Variants in SNX29 observed in about 807,000 individuals in gnomAD.
The protein encoded by SNX29 is sorting nexin-29.
A neutral mutation model predicts 102.1 loss-of-function variants in SNX29; 78 were observed. The ratio of observed to expected loss-of-function variants is 0.76; its 90% CI spans 0.64 to 0.92. The LOEUF is 0.92. Among genes scored for constraint, SNX29 ranks in the 40% least tolerant of loss-of-function variants. The pLI is 0.00. For missense variants in SNX29, 1,280 were observed against 1,061.7 expected (o/e 1.21, Z -2.86); for synonymous variants, 580 against 414.5 (o/e 1.40, Z -4.85).
chr16:12,048,731 A>G (rs1426493225), intron 7 of SNX29, 111 bp downstream of exon 7: 1 of 1,562,242 alleles, frequency 6.4e-7, no homozygotes, highest in Non-Finnish European at 8.8e-7. Flanking sequence ...AGTCCAGTGC[A>G]CTTGCGTTTT....
chr16:12,513,557 C>G (rs998200620), intron 19 of SNX29, among the ~76,000 whole-genome samples: 1 of 152,100 alleles, frequency 6.6e-6, no homozygotes, highest in Non-Finnish European at 1.5e-5. Context: ...GTGGTGATCA[C>G]CTAGAAAAAG....
At chr16:12,334,901 CTTTTTTTT>C (rs36176543) in intron 15 of SNX29, among the ~76,000 whole-genome samples, 1 of 93,608 alleles carries the variant, frequency 1.1e-5, no homozygotes, top group Non-Finnish European at 2.0e-5. Context: ...GCCCCAGAGC[CTTTTTTTT>C]TTTTTTTTTT....
chr16:12,530,745 G>A (rs571069133), intron 20 of SNX29, among the ~76,000 whole-genome samples: 223 of 152,114 alleles, frequency 1.5e-3, no homozygotes, highest in African/African-American at 5.3e-3. Context: ...TAGTAGAGAC[G>A]GGGTTTCTTC....
At chr16:11,984,985 G>C (rs1318996783) in intron 1 of SNX29, among the ~76,000 whole-genome samples, 1 of 151,726 alleles carries the variant, frequency 6.6e-6, no homozygotes. Context: ...TCTGTTATAA[G>C]TAATGATGCA....
At chr16:11,983,524 G>A in intron 1 of SNX29, 1 of 298,468 alleles carries the variant, frequency 3.4e-6, no homozygotes, top group Non-Finnish European at 4.9e-6. Context: ...TTCATTCAAA[G>A]TAGAAAAGTG....
chr16:12,245,898 A>G (rs1004655686), intron 14 of SNX29, among the ~76,000 whole-genome samples: 4 of 152,326 alleles, frequency 2.6e-5, no homozygotes, highest in Middle Eastern at 3.4e-3. Flanking sequence ...GTTTGGACCT[A>G]TCAGTCATTT....
rs200581572 is a variant in SNX29, at chr16:12,398,468, C to T, written c.1922C>T (p.Thr641Met). Residue 641 changes from threonine (T) to methionine (M), a missense_variant, in exon 17 of 21, where the codon ACG (threonine) becomes ATG (methionine). Physicochemically the swap from Thr to Met is moderately conservative, Grantham distance 81. Coordinates refer to ENST00000566228, the MANE Select transcript of SNX29 (RefSeq NM_032167.5). ...TAGGTGCCTGGAGATTTGAGTCAAA[C>T]GTCCGAAGACCAGAGTTTGTCGGAT... The part of the protein sequence containing the change: ...RGPVPGDLSQ[T>M]SEDQSLSDFE... 4.1e-5 allele frequency: 66 copies of T among 1,613,896 alleles called. No homozygotes were observed. Among genetic ancestry groups the T allele is most frequent in the African/African-American group, 6.7e-5 (5 of 74,928 alleles).
At chr16:12,278,641 C>T (rs1005724645) in intron 15 of SNX29, among the ~76,000 whole-genome samples, 11 of 148,022 alleles carry the variant, frequency 7.4e-5, no homozygotes, top group Non-Finnish European at 1.5e-4. Context: ...GGTTTTTATA[C>T]GTCTCTATCT....
intron 14 of SNX29, among the ~76,000 whole-genome samples, chr16:12,236,772 A>G (rs905277946): frequency 1.3e-5 from 2 of 152,186 alleles, no homozygotes; most frequent in African/African-American, 4.8e-5. Flanking sequence ...CATTAGTCTG[A>G]GCACTCGTCA....
At chr16:12,121,145 G>A (rs192144300) in intron 11 of SNX29, among the ~76,000 whole-genome samples, 5 of 152,358 alleles carry the variant, frequency 3.3e-5, no homozygotes, top group East Asian at 3.9e-4. Context: ...CTGGGGCCCC[G>A]GTACTCAAGT....
intron 13 of SNX29, among the ~76,000 whole-genome samples, chr16:12,173,986 G>A (rs2076206169): frequency 6.6e-6 from 1 of 152,164 alleles, no homozygotes; most frequent in African/African-American, 2.4e-5. Flanking sequence ...CACCATACTG[G>A]CCAGGCTGGT....
At chr16:12,242,352 A>AATATATATATAT (rs1272895007) in intron 14 of SNX29, among the ~76,000 whole-genome samples, 17 of 137,992 alleles carry the variant, frequency 1.2e-4, no homozygotes, top group African/African-American at 4.8e-4. Context: ...TATATATAAT[A>AATATATATATAT]ATATATATAT....
chr16:12,106,424 T>A (rs533108004), intron 11 of SNX29, among the ~76,000 whole-genome samples: 1 of 152,234 alleles, frequency 6.6e-6, no homozygotes, highest in South Asian at 2.1e-4. Context: ...ACATGCACAT[T>A]TCTGCCAGAG....
chr16:12,463,265 G>C (rs1039032856), intron 18 of SNX29, among the ~76,000 whole-genome samples: 7 of 152,218 alleles, frequency 4.6e-5, no homozygotes, highest in African/African-American at 1.7e-4. Context: ...CTGAGGTGAG[G>C]CTAGAAGTTT....
intron 3 of SNX29, among the ~76,000 whole-genome samples, chr16:12,021,117 C>T (rs1461553508): frequency 6.6e-6 from 1 of 152,138 alleles, no homozygotes; most frequent in Non-Finnish European, 1.5e-5. Flanking sequence ...AAAAAGGCTC[C>T]AGTAAAGCTG....
chr16:12,562,612 G>C (rs1462233285), intron 20 of SNX29, among the ~76,000 whole-genome samples: 1 of 152,186 alleles, frequency 6.6e-6, no homozygotes, highest in Non-Finnish European at 1.5e-5. Context: ...GCTGGCTCTT[G>C]AGAGCTACAG....
At chr16:12,526,880 G>A (rs149835948) in intron 20 of SNX29, 32 of 394,674 alleles carry the variant, frequency 8.1e-5, no homozygotes, top group Middle Eastern at 7.4e-4. Flanking sequence ...CGAGCCTGTC[G>A]GTGTGACATG....
chr16:12,319,097 GC>G (rs1389326010), intron 15 of SNX29, among the ~76,000 whole-genome samples: 1 of 152,090 alleles, frequency 6.6e-6, no homozygotes, highest in Non-Finnish European at 1.5e-5. Flanking sequence ...ATGCTTCAAG[GC>G]CCAGGAAAGG....
intron 13 of SNX29, among the ~76,000 whole-genome samples, chr16:12,189,760 G>A (rs2076597019): frequency 6.6e-6 from 1 of 151,894 alleles, no homozygotes; most frequent in Non-Finnish European, 1.5e-5. Context: ...TACTATCACT[G>A]TTTTGATGCC....
Sources: gnomAD v4.1 joint callset for allele counts (sites outside exome capture counted in the v4.1 genomes callset) on GRCh38, gnomAD v4.1.1 for gene constraint, MANE v1.5 for transcripts, NCBI Gene and HGNC (gene_info 2026-07-23, HGNC 2026-07-21) for gene names.